Variants in STPG2 observed in about 807,000 individuals in gnomAD.
The protein encoded by STPG2 is sperm-tail PG-rich repeat-containing protein 2.
STPG2 carries 56 observed loss-of-function variants against 54.2 expected under a neutral mutation model. The ratio of observed to expected loss-of-function variants is 1.03; its 90% CI spans 0.83 to 1.29. The LOEUF (loss-of-function observed/expected upper bound fraction) is 1.29. Ranked by LOEUF, STPG2 falls within the 50% of genes most tolerant of loss-of-function variation. STPG2 has a pLI of 0.00. For synonymous variants in STPG2, 200 were observed against 181.8 expected, an observed-to-expected ratio of 1.10 and a Z score of -0.81; for missense variants, 596 against 544.9, an observed-to-expected ratio of 1.09 and a Z score of -0.93.
chr4:97,503,731 GCAAA>G, intron 4 of STPG2, among the ~76,000 whole-genome samples: 2 of 149,712 alleles, frequency 1.3e-5, no homozygotes, highest in East Asian at 3.9e-4. Flanking sequence ...AACAGTGTGT[GCAAA>G]TTGTCCTGAG....
At chr4:97,688,857 T>C (rs1003275611) in intron 10 of STPG2, among the ~76,000 whole-genome samples, 1 of 152,212 alleles carries the variant, frequency 6.6e-6, no homozygotes, top group African/African-American at 2.4e-5. Flanking sequence ...TTTTCTGGTA[T>C]AATAAATCTA....
intron 10 of STPG2, among the ~76,000 whole-genome samples, chr4:97,598,061 T>C (rs1470971556): frequency 6.6e-6 from 1 of 151,286 alleles, no homozygotes; most frequent in African/African-American, 2.4e-5. Context: ...AAAAATAATG[T>C]ACAAAATCAG....
intron 4 of STPG2, among the ~76,000 whole-genome samples, chr4:97,450,168 A>T (rs2148797267): frequency 6.6e-6 from 1 of 152,256 alleles, no homozygotes; most frequent in Admixed American, 6.5e-5. Flanking sequence ...AATAATAAAA[A>T]ATAAAAAATC....
intron 8 of STPG2, among the ~76,000 whole-genome samples, chr4:97,909,387 C>G (rs1288598809): frequency 6.6e-6 from 1 of 151,966 alleles, no homozygotes; most frequent in African/African-American, 2.4e-5. Context: ...ATGGTTACAC[C>G]AGTAAATTCA....
intron 9 of STPG2, among the ~76,000 whole-genome samples, chr4:97,777,354 A>G (rs1726412166): frequency 6.6e-6 from 1 of 152,192 alleles, no homozygotes; most frequent in Non-Finnish European, 1.5e-5. Context: ...TTAGACAGAA[A>G]GGTCTTATTC....
chr4:97,548,536 G>A (rs560041209), intron 4 of STPG2, among the ~76,000 whole-genome samples: 3 of 152,186 alleles, frequency 2.0e-5, no homozygotes, highest in Non-Finnish European at 4.4e-5. Flanking sequence ...CATTTACTTA[G>A]TATGAAATAA....
intron 10 of STPG2, among the ~76,000 whole-genome samples, chr4:97,594,196 G>A (rs1189577128): frequency 1.3e-5 from 2 of 152,198 alleles, no homozygotes; most frequent in Non-Finnish European, 2.9e-5. Context: ...GGATAGGAAT[G>A]AACTTCATCA....
intron 5 of STPG2, among the ~76,000 whole-genome samples, chr4:98,084,193 A>G (rs1245979849): frequency 6.6e-6 from 1 of 152,168 alleles, no homozygotes; most frequent in Admixed American, 6.5e-5. Context: ...TATGAATGAA[A>G]TCATACAGTA....
chr4:97,794,250 A>T (rs1417085823), intron 9 of STPG2, among the ~76,000 whole-genome samples: 1 of 152,094 alleles, frequency 6.6e-6, no homozygotes, highest in Non-Finnish European at 1.5e-5. Flanking sequence ...TTCACATTTT[A>T]TTACATTTCC....
rs183930911 is a variant in STPG2 at position 97,503,736 on chromosome 4, T to C, written c.462+208963A>G. On this transcript the variant is annotated intron_variant, in intron 4 of 4. Transcript: ENST00000522676. ...ACATGGAAATAACAGTGTGTGCAAA[T>C]TGTCCTGAGTTTATGGAATATTTAA... Among the ~76,000 whole-genome samples the C allele has an allele frequency of 4.3e-3, 652 of 150,080 alleles. 2 individuals are homozygous for C. The highest frequency in any genetic ancestry group is 0.011 in the Middle Eastern group (3 of 284).
chr4:97,741,982 AG>A (rs1725254395), intron 9 of STPG2, among the ~76,000 whole-genome samples: 1 of 152,190 alleles, frequency 6.6e-6, no homozygotes, highest in East Asian at 1.9e-4. Context: ...CAACAATGAT[AG>A]ACTGGATTAA....
intron 10 of STPG2, among the ~76,000 whole-genome samples, chr4:97,680,474 G>A (rs1285784110): frequency 1.3e-5 from 2 of 152,088 alleles, no homozygotes; most frequent in Non-Finnish European, 2.9e-5. Flanking sequence ...TTTGTACATT[G>A]ATTTTGTATC....
chr4:97,783,847 C>T (rs1468834427), intron 9 of STPG2, among the ~76,000 whole-genome samples: 1 of 152,064 alleles, frequency 6.6e-6, no homozygotes, highest in African/African-American at 2.4e-5. Flanking sequence ...ACCGCATGTT[C>T]TCACTCATAG....
chr4:97,993,545 A>G (rs1378288166), intron 5 of STPG2, among the ~76,000 whole-genome samples: 1 of 142,166 alleles, frequency 7.0e-6, no homozygotes, highest in African/African-American at 2.5e-5. Context: ...TTTCTTTTCT[A>G]TTTTTTTTTT....
intron 5 of STPG2, chr4:98,025,468 T>C (rs1736384633): frequency 1.9e-6 from 1 of 514,170 alleles, no homozygotes; most frequent in South Asian, 1.7e-5. Context: ...AGGGTAAAAC[T>C]GAATACCATG....
rs987498794 is a variant in STPG2 at position 97,533,128 on chromosome 4, G to A, written c.462+179571C>T. 3.9e-5 allele frequency among the ~76,000 whole-genome samples: 6 copies of A among 152,024 alleles called. No homozygotes were observed. The East Asian group carries it at 5.8e-4, about 15-fold the overall frequency. On this transcript the variant is annotated intron_variant, in intron 4 of 4. Transcript: ENST00000522676. ...GATCTTCTGACCTCATGATCCCCCC[G>A]CCTCGGCCTCCCAAAGTGCTGGGAT...
chr4:97,903,542 C>T (rs972947548), intron 8 of STPG2, among the ~76,000 whole-genome samples: 5 of 151,754 alleles, frequency 3.3e-5, no homozygotes, highest in African/African-American at 7.3e-5. Flanking sequence ...AGCCACAAGA[C>T]GGCTATTTTA....
At chr4:97,493,403 C>A (rs897293365) in intron 4 of STPG2, among the ~76,000 whole-genome samples, 25 of 151,228 alleles carry the variant, frequency 1.7e-4, no homozygotes, top group African/African-American at 6.1e-4. Flanking sequence ...GTAATAGAAA[C>A]CTAAAACATG....
chr4:97,618,431 A>T (rs193228485), intron 10 of STPG2, among the ~76,000 whole-genome samples: 4 of 151,698 alleles, frequency 2.6e-5, no homozygotes, highest in East Asian at 1.9e-4. Flanking sequence ...ATGGGAAATT[A>T]AAAAAAAATG....
Sources: gnomAD v4.1 joint callset for allele counts (sites outside exome capture counted in the v4.1 genomes callset) on GRCh38, gnomAD v4.1.1 for gene constraint, MANE v1.5 for transcripts, NCBI Gene and HGNC (gene_info 2026-07-23, HGNC 2026-07-21) for gene names.